The following SULF1 variants were observed in gnomAD, a reference collection of about 807,000 sequenced individuals.
The protein encoded by SULF1 is sulfatase 1, also known as extracellular sulfatase Sulf-1.
A neutral mutation model predicts 110.5 loss-of-function variants in SULF1; 46 were observed. That is an observed-to-expected ratio of 0.42 (90% CI 0.33 to 0.53). The LOEUF (loss-of-function observed/expected upper bound fraction) is 0.53, where lower values mean the gene tolerates loss of function less well. Among genes scored for constraint, SULF1 ranks in the 20% least tolerant of loss-of-function variants. The probability of loss-of-function intolerance (pLI) is 0.12; values close to 1 mark genes in which losing one functional copy is unlikely to be tolerated. For missense variants in SULF1, 941 were observed against 1,094.2 expected, an observed-to-expected ratio of 0.86 and a Z score of 1.98; for synonymous variants, 371 against 387.1, an observed-to-expected ratio of 0.96 and a Z score of 0.49.
chr8:69,519,144 C>T (rs959228372), intron 3 of SULF1, among the ~76,000 whole-genome samples: 1 of 152,134 alleles, frequency 6.6e-6, no homozygotes, highest in Admixed American at 6.5e-5. Flanking sequence ...AGTCTGGTAC[C>T]AGTTATACTA....
chr8:69,616,833 G>A (rs902801976), intron 13 of SULF1, among the ~76,000 whole-genome samples: 6 of 151,662 alleles, frequency 4.0e-5, no homozygotes, highest in Non-Finnish European at 8.8e-5. Flanking sequence ...GATTACAGGC[G>A]TGAGCCACCA....
intron 19 of SULF1, 141 bp downstream of exon 19, chr8:69,629,820 T>A: frequency 1.3e-6 from 1 of 765,698 alleles, no homozygotes; most frequent in Non-Finnish European, 2.0e-6. Flanking sequence ...TACTGGAAAC[T>A]CAAATGATTT....
chr8:69,603,497 G>A (rs923534979), intron 11 of SULF1, 103 bp from the exon 12 acceptor site: 1 of 1,319,194 alleles, frequency 7.6e-7, no homozygotes, highest in Non-Finnish European at 1.1e-6. Flanking sequence ...TGCACTCATG[G>A]TCTGTGGGAA....
At chr8:69,591,568 A>G (rs954650149) in intron 8 of SULF1, among the ~76,000 whole-genome samples, 22 of 152,012 alleles carry the variant, frequency 1.4e-4, no homozygotes, top group Non-Finnish European at 2.8e-4. Context: ...TGTCTTAAAA[A>G]AAAAAACAAA....
At chr8:69,501,524 G>A (rs1810796990) in intron 2 of SULF1, among the ~76,000 whole-genome samples, 1 of 152,158 alleles carries the variant, frequency 6.6e-6, no homozygotes, top group Non-Finnish European at 1.5e-5. Context: ...CCTGAAATTA[G>A]ACAGCACTCA....
chr8:69,576,275 A>C (rs1805604789), intron 6 of SULF1, 66 bp downstream of exon 6: 1 of 1,523,674 alleles, frequency 6.6e-7, no homozygotes. Flanking sequence ...AAGAAGTGTC[A>C]TGTAATGAAA....
intron 22 of SULF1, among the ~76,000 whole-genome samples, chr8:69,657,352 C>T (rs1288477361): frequency 6.6e-6 from 1 of 152,154 alleles, no homozygotes; most frequent in Non-Finnish European, 1.5e-5. Context: ...CTTTTCTGCC[C>T]TAAGCAATGC....
chr8:69,554,996 AAAC>A lies in SULF1; in HGVS notation c.-133-8540_-133-8538del, dbSNP rs1354061895. On this transcript the variant is annotated intron_variant, in intron 3 of 22. Coordinates refer to ENST00000402687, the MANE Select transcript of SULF1 (RefSeq NM_001128205.2). Reference sequence around the variant, plus strand: ...TCCATCTCAAAAAAAAAAAAAAAAAAAACAAAAAAAAAAAACTTCATACATAAA... The same window carrying A: ...TCCATCTCAAAAAAAAAAAAAAAAAAAAAAAAAAAAAACTTCATACATAAA... Among the ~76,000 whole-genome samples the A allele has an allele frequency of 5.8e-3, 493 of 84,888 alleles. 67 individuals carry two copies. Among genetic ancestry groups the A allele is most frequent in the African/African-American group, 0.027 (392 of 14,646 alleles). 55.7% of individuals were successfully genotyped at this position (84,888 alleles called of 152,430 possible).
rs141733203 is a variant in SULF1 at position 69,547,315 on chromosome 8, C to T, written c.-133-16224C>T. Among the ~76,000 whole-genome samples, 123 of 152,236 alleles carry T rather than the reference C, an allele frequency of 8.1e-4. 1 individual carries two copies. In the East Asian group the frequency reaches 0.015, roughly 19 times the overall value. ...GATGCCTTGTGAACACAGAAGGAAT[C>T]ATTTTATCCATGAAAGAGCAAATAT... On this transcript the variant is annotated intron_variant, in intron 3 of 22. Coordinates refer to ENST00000402687, the MANE Select transcript of SULF1 (RefSeq NM_001128205.2).
At chr8:69,576,239 G>A (rs755598981) in intron 6 of SULF1, 30 bp downstream of exon 6, 73 of 1,603,806 alleles carry the variant, frequency 4.6e-5, no homozygotes, top group Middle Eastern at 1.7e-4. Flanking sequence ...GCCCATGAAC[G>A]TCTTGTAATA....
rs546662239 is a variant in SULF1, at chr8:69,502,361, A to G, written c.-134+393A>G. Among the ~76,000 whole-genome samples, 87 of 152,336 alleles carry G rather than the reference A, an allele frequency of 5.7e-4. 1 individual carries two copies. Among genetic ancestry groups the G allele is most frequent in the Admixed American group, 9.8e-4 (15 of 15,308 alleles). On this transcript the variant is annotated intron_variant, in intron 3 of 22. Transcript: ENST00000402687. ...ACAGTGTCAGGAGTGAAAGCTGTAC[A>G]GATATCTGATTTATTCACAGCTCGT...
intron 3 of SULF1, among the ~76,000 whole-genome samples, chr8:69,532,798 T>C (rs907653087): frequency 3.3e-5 from 5 of 152,188 alleles, no homozygotes; most frequent in African/African-American, 1.2e-4. Flanking sequence ...CCACATTCAT[T>C]GAACAGCAAC....
chr8:69,476,626 A>G (rs1047557053), intron 1 of SULF1, among the ~76,000 whole-genome samples: 5 of 152,190 alleles, frequency 3.3e-5, no homozygotes, highest in African/African-American at 1.2e-4. Context: ...TCAAGTTTTT[A>G]ATGAAGACTT....
At chr8:69,503,317 A>G (rs76250712) in intron 3 of SULF1, among the ~76,000 whole-genome samples, 2,792 of 152,156 alleles carry the variant, frequency 0.018, 81 homozygotes, top group African/African-American at 0.062. Flanking sequence ...TGGGGTATTA[A>G]CCCCCATGGC....
At chr8:69,642,704 A>G (rs1811574452) in intron 22 of SULF1, among the ~76,000 whole-genome samples, 2 of 152,336 alleles carry the variant, frequency 1.3e-5, no homozygotes, top group South Asian at 4.1e-4. Flanking sequence ...TTTTCAGTCT[A>G]GTGTCATGAA....
At chr8:69,597,946 T>C (rs1807472358) in intron 8 of SULF1, among the ~76,000 whole-genome samples, 2 of 152,164 alleles carry the variant, frequency 1.3e-5, no homozygotes. Context: ...AAAAACCCTT[T>C]TTGAGGGGAT....
chr8:69,554,810 T>A (rs1397558238), intron 3 of SULF1, among the ~76,000 whole-genome samples: 2 of 151,886 alleles, frequency 1.3e-5, no homozygotes, highest in Admixed American at 6.6e-5. Flanking sequence ...AAACCCCGTC[T>A]TTACTGAAAA....
intron 3 of SULF1, among the ~76,000 whole-genome samples, chr8:69,536,017 C>T (rs1289604939): frequency 7.2e-6 from 1 of 139,228 alleles, no homozygotes; most frequent in Non-Finnish European, 1.6e-5. Flanking sequence ...GACTCCGACT[C>T]AAAAAAAAAA....
At chr8:69,567,094 C>T (rs72658265) in intron 5 of SULF1, among the ~76,000 whole-genome samples, 1,799 of 152,166 alleles carry the variant, frequency 0.012, 16 homozygotes, top group Non-Finnish European at 0.018. Context: ...TAAAAACAAT[C>T]GGCAAATTCA....
Sources: allele counts gnomAD v4.1 joint callset (sites outside exome capture counted in the v4.1 genomes callset), GRCh38; gene constraint gnomAD v4.1.1; transcripts MANE v1.5; gene names NCBI Gene and HGNC (gene_info 2026-07-23, HGNC 2026-07-21).